RAB3C: variants seen among roughly 807,000 people sequenced by gnomAD.
RAB3C encodes the protein RAB3C, member RAS oncogene family.
In RAB3C, 17 loss-of-function variants were observed where a neutral mutation model predicts 26.4. The ratio of observed to expected loss-of-function variants is 0.64; its 90% CI spans 0.44 to 0.97. RAB3C has a LOEUF of 0.97. RAB3C is among the 50% of genes least tolerant of loss of function. The probability of loss-of-function intolerance (pLI) is 0.00; values close to 1 mark genes in which losing one functional copy is unlikely to be tolerated. For synonymous variants in RAB3C, 91 were observed against 95.9 expected, an observed-to-expected ratio of 0.95 and a Z score of 0.30; for missense variants, 242 against 281.9, an observed-to-expected ratio of 0.86 and a Z score of 1.01.
At chr5:58,793,871 G>T (rs1169503677) in intron 3 of RAB3C, among the ~76,000 whole-genome samples, 1 of 152,028 alleles carries the variant, frequency 6.6e-6, no homozygotes, top group African/African-American at 2.4e-5. Context: ...AATATCTATG[G>T]TCCTGATTAT....
chr5:58,641,685 C>T (rs959653451), intron 2 of RAB3C, among the ~76,000 whole-genome samples: 2 of 152,162 alleles, frequency 1.3e-5, no homozygotes, highest in Admixed American at 1.3e-4. Context: ...CTGCTCTGTT[C>T]CTCAGGGCTG....
chr5:58,777,709 T>C (rs1742178698), intron 3 of RAB3C, among the ~76,000 whole-genome samples: 2 of 151,990 alleles, frequency 1.3e-5, no homozygotes, highest in Admixed American at 1.3e-4. Context: ...ACTCGTTATT[T>C]ACATTAGGTA....
intron 1 of RAB3C, among the ~76,000 whole-genome samples, chr5:58,585,447 A>G (rs1745991473): frequency 1.3e-5 from 2 of 151,972 alleles, no homozygotes; most frequent in Non-Finnish European, 2.9e-5. Context: ...ATATGCCCCA[A>G]ATATTTTTTT....
chr5:58,744,298 A>G (rs79656109), intron 3 of RAB3C, among the ~76,000 whole-genome samples: 4,323 of 152,326 alleles, frequency 0.028, 183 homozygotes, highest in African/African-American at 0.098. Context: ...TGTTTCTATC[A>G]AAGATTTCTC....
At chr5:58,744,018 G>A (rs962944551) in intron 3 of RAB3C, among the ~76,000 whole-genome samples, 1 of 152,162 alleles carries the variant, frequency 6.6e-6, no homozygotes, top group Non-Finnish European at 1.5e-5. Context: ...TTGTTTACCA[G>A]TGTGTTTTCA....
intron 3 of RAB3C, among the ~76,000 whole-genome samples, chr5:58,818,640 T>C (rs1743269829): frequency 6.6e-6 from 1 of 152,226 alleles, no homozygotes; most frequent in Non-Finnish European, 1.5e-5. Flanking sequence ...CTGATTCCAT[T>C]AATCTTGTTG....
intron 4 of RAB3C, among the ~76,000 whole-genome samples, chr5:58,842,054 A>G (rs1456136414): frequency 6.6e-6 from 1 of 152,212 alleles, no homozygotes; most frequent in Admixed American, 6.5e-5. Flanking sequence ...AACTCAATGC[A>G]GGCATCCTCT....
intron 2 of RAB3C, among the ~76,000 whole-genome samples, chr5:58,681,310 T>C (rs1233011580): frequency 6.6e-6 from 1 of 152,206 alleles, no homozygotes; most frequent in Non-Finnish European, 1.5e-5. Flanking sequence ...CAGATGAATA[T>C]TGGGATATTG....
intron 3 of RAB3C, among the ~76,000 whole-genome samples, chr5:58,743,055 G>A (rs1334439610): frequency 6.6e-6 from 1 of 152,136 alleles, no homozygotes; most frequent in African/African-American, 2.4e-5. Flanking sequence ...GAGGAGAGCT[G>A]AGAATGCTTT....
chr5:58,674,127 A>G (rs1440342124), intron 2 of RAB3C, among the ~76,000 whole-genome samples: 1 of 152,186 alleles, frequency 6.6e-6, no homozygotes, highest in Non-Finnish European at 1.5e-5. Context: ...GAAGGACTCT[A>G]GAAAGGGAAT....
At chr5:58,767,679 C>T (rs748833797) in intron 3 of RAB3C, among the ~76,000 whole-genome samples, 1 of 152,104 alleles carries the variant, frequency 6.6e-6, no homozygotes, top group African/African-American at 2.4e-5. Context: ...TACTAGCATT[C>T]GTTAGGTACT....
chr5:58,625,263 T>C (rs1299400557), intron 2 of RAB3C, among the ~76,000 whole-genome samples: 1 of 152,200 alleles, frequency 6.6e-6, no homozygotes, highest in Non-Finnish European at 1.5e-5. Flanking sequence ...GGTATTAATA[T>C]TGCTCTTTAT....
chr5:58,805,011 T>A (rs1244986812), intron 3 of RAB3C, among the ~76,000 whole-genome samples: 1 of 151,910 alleles, frequency 6.6e-6, no homozygotes, highest in Non-Finnish European at 1.5e-5. Context: ...AAGGTATTTT[T>A]AAATTTATTT....
At chr5:58,779,991 A>G (rs1742237325) in intron 3 of RAB3C, among the ~76,000 whole-genome samples, 1 of 152,060 alleles carries the variant, frequency 6.6e-6, no homozygotes, top group Admixed American at 6.6e-5. Context: ...AATGGAAAGG[A>G]CTGTGTTAGT....
chr5:58,780,136 T>C (rs1234868550), intron 3 of RAB3C, among the ~76,000 whole-genome samples: 1 of 152,098 alleles, frequency 6.6e-6, no homozygotes, highest in African/African-American at 2.4e-5. Context: ...GTCGTGGGCA[T>C]GCTATTGGCA....
At chr5:58,798,802 TA>T (rs1160351525) in intron 3 of RAB3C, among the ~76,000 whole-genome samples, 1 of 152,226 alleles carries the variant, frequency 6.6e-6, no homozygotes, top group African/African-American at 2.4e-5. Flanking sequence ...TAAGGTATAC[TA>T]AACCTGTAGT....
chr5:58,649,140 G>A (rs1316307142), intron 2 of RAB3C, among the ~76,000 whole-genome samples: 1 of 152,098 alleles, frequency 6.6e-6, no homozygotes, highest in Non-Finnish European at 1.5e-5. Flanking sequence ...GTAAAGAGTT[G>A]CTGTCTCAAG....
intron 3 of RAB3C, among the ~76,000 whole-genome samples, chr5:58,809,125 G>A (rs1310170544): frequency 4.6e-5 from 7 of 152,144 alleles, no homozygotes; most frequent in Non-Finnish European, 1.0e-4. Context: ...CAGTGTAGCT[G>A]AAAAACTATG....
chr5:58,695,285 C>A (rs188581000), intron 2 of RAB3C, among the ~76,000 whole-genome samples: 1 of 152,096 alleles, frequency 6.6e-6, no homozygotes, highest in Non-Finnish European at 1.5e-5. Flanking sequence ...TGGGCTATAT[C>A]TCTGTTTTGG....
Sources: allele counts gnomAD v4.1 joint callset (sites outside exome capture counted in the v4.1 genomes callset), GRCh38; gene constraint gnomAD v4.1.1; transcripts MANE v1.5; gene names NCBI Gene and HGNC (gene_info 2026-07-23, HGNC 2026-07-21).